The following KCNQ5 variants were observed in gnomAD, a reference collection of about 807,000 sequenced individuals.
KCNQ5 encodes potassium voltage-gated channel subfamily Q member 5.
A neutral mutation model predicts 98.2 loss-of-function variants in KCNQ5; 30 were observed. The observed-to-expected ratio is 0.31, with a 90% CI of 0.23 to 0.41. KCNQ5 has a LOEUF of 0.41. Ranked by LOEUF, KCNQ5 falls within the 10% of genes least tolerant of loss-of-function variation. KCNQ5 has a pLI of 1.00. For missense variants in KCNQ5, 835 were observed against 1,182.5 expected (o/e 0.71, Z 4.31); for synonymous variants, 458 against 449.4 (o/e 1.02, Z -0.24).
intron 1 of KCNQ5, among the ~76,000 whole-genome samples, chr6:72,877,591 T>C (rs1778466555): frequency 6.6e-6 from 1 of 152,226 alleles, no homozygotes; most frequent in African/African-American, 2.4e-5. Context: ...AGTAATGGGA[T>C]TGCTGGGTCA....
At chr6:72,938,122 C>T (rs1330021014) in intron 1 of KCNQ5, among the ~76,000 whole-genome samples, 1 of 152,162 alleles carries the variant, frequency 6.6e-6, no homozygotes, top group Non-Finnish European at 1.5e-5. Context: ...GAGCAGAGAG[C>T]ACTGTGTCCC....
At chr6:73,135,074 T>C (rs895566060) in intron 10 of KCNQ5, 5 of 152,204 alleles carry the variant, frequency 3.3e-5, no homozygotes, top group Non-Finnish European at 2.9e-5. Flanking sequence ...TACATATGTC[T>C]AAGCCTAGAC....
At chr6:72,774,839 G>A (rs893134323) in intron 1 of KCNQ5, among the ~76,000 whole-genome samples, 5 of 152,298 alleles carry the variant, frequency 3.3e-5, no homozygotes, top group Non-Finnish European at 5.9e-5. Context: ...TGTTGTCAAG[G>A]ATGCAGAACA....
chr6:73,078,363 C>T (rs1270422070), intron 5 of KCNQ5, among the ~76,000 whole-genome samples: 3 of 151,982 alleles, frequency 2.0e-5, no homozygotes, highest in Non-Finnish European at 4.4e-5. Flanking sequence ...AGATTATAGT[C>T]ACCTAATTTC....
intron 1 of KCNQ5, among the ~76,000 whole-genome samples, chr6:72,892,713 T>TAA (rs201357800): frequency 7.7e-5 from 11 of 142,614 alleles, no homozygotes; most frequent in African/African-American, 2.8e-4. Flanking sequence ...GAACCTACCT[T>TAA]AAAAAAAAAA....
intron 1 of KCNQ5, among the ~76,000 whole-genome samples, chr6:72,937,692 A>G (rs1766011237): frequency 1.3e-5 from 2 of 152,186 alleles, no homozygotes; most frequent in South Asian, 2.1e-4. Flanking sequence ...AAATTTGCCA[A>G]TTAACAAGAG....
At chr6:73,122,965 C>A (rs757485763) in intron 8 of KCNQ5, among the ~76,000 whole-genome samples, 2 of 152,106 alleles carry the variant, frequency 1.3e-5, no homozygotes, top group Non-Finnish European at 2.9e-5. Flanking sequence ...ACTACAATTA[C>A]TATTTTATTT....
intron 1 of KCNQ5, among the ~76,000 whole-genome samples, chr6:72,641,934 C>G (rs1422281530): frequency 6.6e-6 from 1 of 151,722 alleles, no homozygotes; most frequent in Non-Finnish European, 1.5e-5. Flanking sequence ...GAACAATTCT[C>G]TACGCCTCAT....
chr6:72,724,488 T>C (rs1770156943), intron 1 of KCNQ5, among the ~76,000 whole-genome samples: 1 of 152,232 alleles, frequency 6.6e-6, no homozygotes, highest in Admixed American at 6.5e-5. Context: ...TTCTGTATTC[T>C]TCCTAGAACA....
chr6:73,010,314 A>G (rs1410008739), intron 2 of KCNQ5, among the ~76,000 whole-genome samples: 1 of 152,084 alleles, frequency 6.6e-6, no homozygotes, highest in Non-Finnish European at 1.5e-5. Context: ...CCCTTCTATG[A>G]TTAAAATATA....
At chr6:73,150,449 AAT>A (rs140140792) in intron 10 of KCNQ5, among the ~76,000 whole-genome samples, 2,923 of 146,978 alleles carry the variant, frequency 0.02, 100 homozygotes, top group African/African-American at 0.068. Context: ...TAATATATAT[AAT>A]ATATATTTTA....
intron 10 of KCNQ5, among the ~76,000 whole-genome samples, chr6:73,160,929 C>T (rs143094403): frequency 1.3e-5 from 2 of 152,048 alleles, no homozygotes; most frequent in Non-Finnish European, 2.9e-5. Flanking sequence ...AAGGTTGAAA[C>T]CCACTGTAAT....
At chr6:73,051,705 C>CAAAAAAAAAAAAAAAAAAAAAAAAAA (rs201199934) in intron 3 of KCNQ5, among the ~76,000 whole-genome samples, 3 of 97,178 alleles carry the variant, frequency 3.1e-5, no homozygotes, top group African/African-American at 1.2e-4. Context: ...AAGATAGAGG[C>CAAAAAAAAAAAAAAAAAAAAAAAAAA]AAAAAAAAAA....
chr6:72,874,687 A>C (rs1258898333), intron 1 of KCNQ5, among the ~76,000 whole-genome samples: 1 of 152,138 alleles, frequency 6.6e-6, no homozygotes, highest in Non-Finnish European at 1.5e-5. Flanking sequence ...TTGGTACCTA[A>C]CATTGTCCTC....
rs539828395 is a variant in KCNQ5, at chr6:73,066,856, A to T, written c.617-10466A>T. 3.0e-4 allele frequency among the ~76,000 whole-genome samples: 46 copies of T among 152,268 alleles called. 1 individual carries two copies. The highest frequency in any genetic ancestry group is 1.0e-3 in the African/African-American group (43 of 41,562). ...CATAAGCAAATATAATGGAACCAGA[A>T]CACTTCTATTCCTTCTTATCTTGCT... On this transcript the variant is annotated intron_variant, in intron 3 of 13. Coordinates refer to ENST00000370398, the MANE Select transcript of KCNQ5 (RefSeq NM_019842.4).
At chr6:72,758,558 T>A (rs1772092623) in intron 1 of KCNQ5, among the ~76,000 whole-genome samples, 1 of 151,698 alleles carries the variant, frequency 6.6e-6, no homozygotes, top group South Asian at 2.1e-4. Flanking sequence ...TCCAAGAGAG[T>A]AGAGAGGTAA....
chr6:72,820,829 A>T (rs1343376023), intron 1 of KCNQ5, among the ~76,000 whole-genome samples: 1 of 152,186 alleles, frequency 6.6e-6, no homozygotes, highest in Admixed American at 6.6e-5. Flanking sequence ...GTGTTTATGA[A>T]TTTAGGATTT....
chr6:72,931,217 T>C (rs1036364841), intron 1 of KCNQ5, among the ~76,000 whole-genome samples: 1 of 152,194 alleles, frequency 6.6e-6, no homozygotes, highest in Non-Finnish European at 1.5e-5. Context: ...AATAATAGAA[T>C]TCTATTTTAT....
In KCNQ5 at chr6:72,649,733, G is replaced by A. The variant is rs185299412; in HGVS notation, c.398+27146G>A. On this transcript the variant is annotated intron_variant, in intron 1 of 13. Coordinates refer to ENST00000370398, the MANE Select transcript of KCNQ5 (RefSeq NM_019842.4). The stretch of plus-strand genomic sequence containing the variant: ...GTGTAATTCAGATGAAGCATTACAC[G>A]TGAAAAGGAAACTCAGTCAGATGAC... Among the ~76,000 whole-genome samples the A allele has an allele frequency of 5.2e-4, 79 of 152,224 alleles. 1 individual carries two copies. Among genetic ancestry groups the A allele is most frequent in the African/African-American group, 1.8e-3 (73 of 41,530 alleles).
Sources: allele counts gnomAD v4.1 joint callset (sites outside exome capture counted in the v4.1 genomes callset), GRCh38; gene constraint gnomAD v4.1.1; transcripts MANE v1.5; gene names NCBI Gene and HGNC (gene_info 2026-07-23, HGNC 2026-07-21).